SLC35F4: variants seen among roughly 807,000 people sequenced by gnomAD.
SLC35F4 encodes the protein solute carrier family 35 member F4.
Under a neutral mutation model 44.2 loss-of-function variants are expected in SLC35F4, and 24 were observed. That is an observed-to-expected ratio of 0.54 (90% confidence interval 0.39 to 0.76). SLC35F4 has a LOEUF of 0.76. Ranked by LOEUF, SLC35F4 falls within the 30% of genes least tolerant of loss-of-function variation. The pLI is 0.00. For synonymous variants in SLC35F4, 238 were observed against 223.6 expected (o/e 1.06, Z -0.57); for missense variants, 562 against 586.1 (o/e 0.96, Z 0.42).
intron 1 of SLC35F4, among the ~76,000 whole-genome samples, chr14:57,711,612 ATGG>A (rs57240373): frequency 0.13 from 20,479 of 152,184 alleles, 1,707 homozygotes; most frequent in Non-Finnish European, 0.19. Context: ...ACCATTTGTT[ATGG>A]TGCTCTATCA....
rs143955775 is a variant in SLC35F4 at position 57,853,075 on chromosome 14, G to A, written c.103+12648C>T. Among the ~76,000 whole-genome samples the A allele has an allele frequency of 3.3e-4, 50 of 152,228 alleles. No homozygotes were observed. In the East Asian group the frequency reaches 8.1e-3, roughly 25 times the overall value. ...ATCCTCAATTACTGTACATTGAATCGGAAAGACCTGTTGTATTGCCCTATC... is the reference window on the plus strand; with the variant it reads ...ATCCTCAATTACTGTACATTGAATCAGAAAGACCTGTTGTATTGCCCTATC... On this transcript the variant is annotated intron_variant, in intron 1 of 7. Coordinates refer to ENST00000556826, the MANE Select transcript of SLC35F4 (RefSeq NM_001306087.2).
chr14:57,821,560 G>GT (rs1883180231), intron 1 of SLC35F4, among the ~76,000 whole-genome samples: 1 of 152,208 alleles, frequency 6.6e-6, no homozygotes, highest in Non-Finnish European at 1.5e-5. Context: ...AGGAACAAAT[G>GT]TAATAGGAAA....
At chr14:57,681,865 A>T (rs1212564169) in intron 1 of SLC35F4, among the ~76,000 whole-genome samples, 1 of 151,502 alleles carries the variant, frequency 6.6e-6, no homozygotes, top group Non-Finnish European at 1.5e-5. Context: ...AAAAGAAGAC[A>T]TTTATGTGGC....
chr14:57,870,465 A>G (rs1888274803), upstream of SLC35F4, among the ~76,000 whole-genome samples: 1 of 152,204 alleles, frequency 6.6e-6, no homozygotes, highest in Non-Finnish European at 1.5e-5. Context: ...ACACCTATAT[A>G]GTGGAACTAT....
intron 1 of SLC35F4, among the ~76,000 whole-genome samples, chr14:57,828,384 G>T (rs1884013841): frequency 6.6e-6 from 1 of 152,114 alleles, no homozygotes; most frequent in African/African-American, 2.4e-5. Context: ...CTAACAGAAA[G>T]AGAGTATTAT....
At chr14:57,831,189 C>T (rs964958581) in intron 1 of SLC35F4, among the ~76,000 whole-genome samples, 2 of 152,138 alleles carry the variant, frequency 1.3e-5, no homozygotes, top group African/African-American at 2.4e-5. Context: ...CTTACAGATG[C>T]CAAGTTCTAC....
At chr14:57,604,982 A>G (rs2071062679) in intron 1 of SLC35F4, among the ~76,000 whole-genome samples, 1 of 152,204 alleles carries the variant, frequency 6.6e-6, no homozygotes, top group African/African-American at 2.4e-5. Flanking sequence ...AGTTAAATAT[A>G]AGACTTCAAA....
intron 1 of SLC35F4, among the ~76,000 whole-genome samples, chr14:57,777,103 C>A (rs900207876): frequency 6.6e-6 from 1 of 152,196 alleles, no homozygotes; most frequent in Non-Finnish European, 1.5e-5. Context: ...CAATACTACC[C>A]TTGAATGTAA....
chr14:57,639,274 T>C (rs2073132327), intron 1 of SLC35F4, among the ~76,000 whole-genome samples: 1 of 152,082 alleles, frequency 6.6e-6, no homozygotes, highest in East Asian at 1.9e-4. Context: ...CCTAAATATA[T>C]CCTGCCTCAT....
intron 1 of SLC35F4, among the ~76,000 whole-genome samples, chr14:57,970,367 G>A (rs1594661788): frequency 2.0e-5 from 3 of 152,188 alleles, no homozygotes; most frequent in South Asian, 2.1e-4. Flanking sequence ...CAGGTCTAAC[G>A]GAAAGCCATG....
chr14:57,932,797 C>T (rs533806137), intron 1 of SLC35F4, among the ~76,000 whole-genome samples: 3 of 152,044 alleles, frequency 2.0e-5, no homozygotes, highest in South Asian at 2.1e-4. Flanking sequence ...TGCAGTGAGC[C>T]GAGGTCATAC....
intron 1 of SLC35F4, among the ~76,000 whole-genome samples, chr14:57,669,882 T>C (rs2074454789): frequency 6.6e-6 from 1 of 152,110 alleles, no homozygotes; most frequent in Admixed American, 6.5e-5. Context: ...TTTCTACGGA[T>C]TGGAATAGTT....
At chr14:57,806,066 A>G (rs1388685663) in intron 1 of SLC35F4, among the ~76,000 whole-genome samples, 2 of 152,208 alleles carry the variant, frequency 1.3e-5, no homozygotes, top group Admixed American at 6.6e-5. Context: ...ATACCACTGG[A>G]AATTACATTT....
intron 1 of SLC35F4, among the ~76,000 whole-genome samples, chr14:57,960,431 C>G (rs1302115541): frequency 6.6e-6 from 1 of 152,200 alleles, no homozygotes; most frequent in Non-Finnish European, 1.5e-5. Context: ...AAACATTTAA[C>G]CCCAAGCATT....
chr14:57,696,544 G>A (rs1288484098), intron 1 of SLC35F4, among the ~76,000 whole-genome samples: 1 of 152,172 alleles, frequency 6.6e-6, no homozygotes, highest in Non-Finnish European at 1.5e-5. Context: ...AATACCATTT[G>A]ACCCAGCAAG....
chr14:57,833,580 AGAGT>A (rs1884604957), intron 1 of SLC35F4, among the ~76,000 whole-genome samples: 1 of 152,236 alleles, frequency 6.6e-6, no homozygotes, highest in Non-Finnish European at 1.5e-5. Flanking sequence ...TGCATATCAG[AGAGT>A]GAGAAATGCT....
intron 1 of SLC35F4, among the ~76,000 whole-genome samples, chr14:57,681,724 G>T (rs766621914): frequency 6.6e-6 from 1 of 152,050 alleles, no homozygotes; most frequent in Non-Finnish European, 1.5e-5. Context: ...CTACAGAATG[G>T]GAGAAAATTT....
At chr14:57,880,995 T>C (rs1209756580) in intron 1 of SLC35F4, among the ~76,000 whole-genome samples, 1 of 152,210 alleles carries the variant, frequency 6.6e-6, no homozygotes, top group Admixed American at 6.5e-5. Flanking sequence ...TTTGTTTGTT[T>C]GCTAAACCTA....
intron 1 of SLC35F4, among the ~76,000 whole-genome samples, chr14:57,864,897 G>T (rs1158269269): frequency 6.6e-6 from 1 of 152,196 alleles, no homozygotes; most frequent in South Asian, 2.1e-4. Context: ...TTTGTGTACT[G>T]GGGGAGGGGG....
Sources: gnomAD v4.1 joint callset for allele counts (sites outside exome capture counted in the v4.1 genomes callset) on GRCh38, gnomAD v4.1.1 for gene constraint, MANE v1.5 for transcripts, NCBI Gene and HGNC (gene_info 2026-07-23, HGNC 2026-07-21) for gene names.